Variants in PTPRB observed in about 807,000 individuals in gnomAD.
The protein encoded by PTPRB is receptor-type tyrosine-protein phosphatase beta.
Under a neutral mutation model 238.1 loss-of-function variants are expected in PTPRB, and 97 were observed. That is an observed-to-expected ratio of 0.41 (90% CI 0.35 to 0.48). The LOEUF (loss-of-function observed/expected upper bound fraction) is 0.48, where lower values mean the gene tolerates loss of function less well. Ranked by LOEUF, PTPRB falls within the 20% of genes least tolerant of loss-of-function variation. The probability of loss-of-function intolerance (pLI) is 0.30; values close to 1 mark genes in which losing one functional copy is unlikely to be tolerated. For missense variants in PTPRB, 2,292 were observed against 2,681.9 expected, an observed-to-expected ratio of 0.85 and a Z score of 3.21; for synonymous variants, 970 against 995.4, an observed-to-expected ratio of 0.97 and a Z score of 0.48.
chr12:70,601,501 T>C (rs1883485399), intron 4 of PTPRB, among the ~76,000 whole-genome samples: 1 of 152,118 alleles, frequency 6.6e-6, no homozygotes, highest in African/African-American at 2.4e-5. Context: ...AACAACAGCA[T>C]CTTTACAGAA....
chr12:70,608,580 A>T (rs2136538327), intron 4 of PTPRB: 1 of 156,958 alleles, frequency 6.4e-6, no homozygotes. Context: ...CCTCATTTCA[A>T]GAGACTTTTC....
At chr12:70,635,114 C>A (rs2136617476) in intron 2 of PTPRB, among the ~76,000 whole-genome samples, 1 of 152,190 alleles carries the variant, frequency 6.6e-6, no homozygotes, top group South Asian at 2.1e-4. Context: ...CTGTGGCTGC[C>A]CATTGATTCT....
chr12:70,573,089 TTTC>T (rs1880278478), intron 11 of PTPRB, among the ~76,000 whole-genome samples: 2 of 152,182 alleles, frequency 1.3e-5, no homozygotes, highest in Non-Finnish European at 2.9e-5. Flanking sequence ...AAAATATGGA[TTTC>T]TTGTCCTTAA....
intron 18 of PTPRB, 138 bp downstream of exon 18, chr12:70,559,203 CAG>C (rs1016832925): frequency 1.2e-5 from 11 of 919,228 alleles, no homozygotes; most frequent in African/African-American, 6.5e-5. Context: ...AACAAATCTA[CAG>C]AGACTTCTGC....
chr12:70,615,252 T>C (rs1267521054), intron 3 of PTPRB, among the ~76,000 whole-genome samples: 1 of 152,202 alleles, frequency 6.6e-6, no homozygotes, highest in East Asian at 1.9e-4. Context: ...AAATTATCAT[T>C]GCTTCCAATC....
In PTPRB at chr12:70,537,085, T is replaced by C. The variant is rs1049816329; in HGVS notation, c.5947-926A>G. The stretch of plus-strand genomic sequence containing the variant: ...GGATCATGAGGTCAGGAGATGGAGA[T>C]CTTCCTGGCTAACACGGTGAAACCC... On this transcript the variant is annotated intron_variant, in intron 28 of 33. Coordinates refer to ENST00000334414, the MANE Select transcript of PTPRB (RefSeq NM_001109754.4). Among the ~76,000 whole-genome samples the C allele has an allele frequency of 3.3e-5, 5 of 151,886 alleles. No individual in the cohort carries two copies. The East Asian group carries it at 7.8e-4, about 24-fold the overall frequency.
intron 3 of PTPRB, among the ~76,000 whole-genome samples, chr12:70,610,558 T>A (rs1382932144): frequency 6.6e-6 from 1 of 152,020 alleles, no homozygotes; most frequent in East Asian, 1.9e-4. Flanking sequence ...TTAGAGAGCT[T>A]TTGCCCTTCT....
chr12:70,609,874 G>A, intron 3 of PTPRB: 1 of 1,514,170 alleles, frequency 6.6e-7, no homozygotes, highest in Non-Finnish European at 8.9e-7. Context: ...ACGGCCCGAG[G>A]GCCGGGGCAG....
chr12:70,532,938 C>G (rs1194589568), intron 31 of PTPRB, among the ~76,000 whole-genome samples: 1 of 152,156 alleles, frequency 6.6e-6, no homozygotes, highest in Non-Finnish European at 1.5e-5. Flanking sequence ...ATATACCACA[C>G]CCAGCTGATC....
rs377068807 is a variant in PTPRB, at chr12:70,610,749, C to G, written c.709-1410G>C. On this transcript the variant is annotated intron_variant, in intron 3 of 33. Transcript: ENST00000334414. ...CGCTAACGACAAATATAATCACTAC[C>G]AAGTGTTCAACCCACAGCTAACAGT... 1.5e-4 allele frequency among the ~76,000 whole-genome samples: 23 copies of G among 152,230 alleles called. No individual in the cohort carries two copies. In the East Asian group the frequency reaches 2.9e-3, roughly 19 times the overall value.
At chr12:70,625,913 T>A (rs952049020) in intron 2 of PTPRB, among the ~76,000 whole-genome samples, 12 of 152,316 alleles carry the variant, frequency 7.9e-5, no homozygotes, top group Admixed American at 2.0e-4. Context: ...TATAGGGTAC[T>A]ATCACCTTAC....
At position 70,518,215 on chromosome 12, in the gene PTPRB, C is replaced by G. The variant is rs2136184194; in HGVS notation, c.*3274G>C. ...TGGGAGGTTGAGGTGGGTGGATCAC[C>G]TAAGGTCACGAGTTCAAGACCAGCC... On this transcript the variant is annotated 3_prime_UTR_variant, in exon 34 of 34. Coordinates refer to ENST00000334414, the MANE Select transcript of PTPRB (RefSeq NM_001109754.4). 1 of 152,194 alleles carries G rather than the reference C, an allele frequency of 6.6e-6. No homozygotes were observed. Among genetic ancestry groups the G allele is most frequent in the East Asian group, 1.9e-4 (1 of 5,164 alleles). 9.4% of individuals were successfully genotyped at this position (152,194 alleles called of 1,614,324 possible). A position where few individuals can be genotyped will look rare whatever the true frequency, so the allele number is the denominator to read the frequency against.
In PTPRB at chr12:70,609,168, T is replaced by C; in HGVS notation, c.880A>G (p.Thr294Ala). 3 of 1,614,050 alleles carry C rather than the reference T, an allele frequency of 1.9e-6. No homozygotes were observed. The highest frequency in any genetic ancestry group is 2.5e-6 in the Non-Finnish European group (3 of 1,179,894). Reference sequence around the variant, plus strand: ...TCTTGAAGGTTACATCCGTATGTGGTGTTGTCTATCCGAAAGGTAGGGCAC... The same window carrying C: ...TCTTGAAGGTTACATCCGTATGTGGCGTTGTCTATCCGAAAGGTAGGGCAC... ...ALCPTFRIDN[T>A]TYGCNLQDLQ... The change falls in exon 4 of 34, where the codon ACC becomes GCC. Residue 294 changes from threonine (T) to alanine (A), a missense_variant. Transcript: ENST00000334414.
intron 4 of PTPRB, 117 bp downstream of exon 4, chr12:70,608,952 A>G: frequency 2.3e-6 from 3 of 1,333,040 alleles, no homozygotes; most frequent in Non-Finnish European, 3.1e-6. Context: ...ATTTATCTTC[A>G]CAGGTATTTT....
At chr12:70,588,745 G>C (rs908254018) in intron 8 of PTPRB, among the ~76,000 whole-genome samples, 1 of 152,148 alleles carries the variant, frequency 6.6e-6, no homozygotes, top group African/African-American at 2.4e-5. Context: ...TTGAGGCCAG[G>C]AGTTTGAGAC....
chr12:70,555,137 G>A (rs1877457328), intron 20 of PTPRB, 23 bp downstream of exon 20: 1 of 1,606,940 alleles, frequency 6.2e-7, no homozygotes, highest in Admixed American at 1.7e-5. Flanking sequence ...GTCTCAGAGT[G>A]GAGTTAACTC....
At chr12:70,629,653 A>G (rs1280331539) in intron 2 of PTPRB, among the ~76,000 whole-genome samples, 1 of 152,242 alleles carries the variant, frequency 6.6e-6, no homozygotes, top group African/African-American at 2.4e-5. Flanking sequence ...CAGTGAATCC[A>G]GGAGCTGTTA....
At position 70,559,457 on chromosome 12, in the gene PTPRB, C is replaced by T; in HGVS notation, c.4600G>A (p.Gly1534Arg). ...FNPYNNRKSE[G>R]RIVYGLRPGR... ...GGACGAAGACCATACACAATGCGTC[C>T]TTCTGATTTTCTGTTGTTGTAGGGG... is the stretch of plus-strand genomic sequence containing the variant. Residue 1534 changes from glycine (G) to arginine (R), a missense_variant, in exon 18 of 34, where the codon GGA becomes AGA. Coordinates refer to ENST00000334414, the MANE Select transcript of PTPRB (RefSeq NM_001109754.4). 6.2e-7 allele frequency: 1 copy of T among 1,613,956 alleles called. No homozygotes were observed. Among genetic ancestry groups the T allele is most frequent in the Non-Finnish European group, 8.5e-7 (1 of 1,179,878 alleles).
At chr12:70,564,692 G>A (rs1243654631) in intron 15 of PTPRB, among the ~76,000 whole-genome samples, 4 of 151,942 alleles carry the variant, frequency 2.6e-5, no homozygotes, top group Non-Finnish European at 5.9e-5. Context: ...AATTAGCTGG[G>A]TGTGGTGGCA....
Sources: gnomAD v4.1 joint callset for allele counts (sites outside exome capture counted in the v4.1 genomes callset) on GRCh38, gnomAD v4.1.1 for gene constraint, MANE v1.5 for transcripts, NCBI Gene and HGNC (gene_info 2026-07-23, HGNC 2026-07-21) for gene names.